SPINK8: variants seen among roughly 807,000 people sequenced by gnomAD.
The protein encoded by SPINK8 is serine protease inhibitor Kazal-type 8.
In SPINK8, 12 loss-of-function variants were observed where a neutral mutation model predicts 14.4. The observed-to-expected ratio is 0.83, with a 90% confidence interval of 0.53 to 1.35. SPINK8 has a LOEUF of 1.35. Among genes scored for constraint, SPINK8 ranks in the 40% most tolerant of loss-of-function variants. SPINK8 has a pLI of 0.00. For synonymous variants in SPINK8, 32 were observed against 37.6 expected (o/e 0.85, Z 0.55); for missense variants, 103 against 117.0 (o/e 0.88, Z 0.55).
intron 4 of SPINK8, among the ~76,000 whole-genome samples, chr3:48,322,391 A>G (rs1181402030): frequency 6.6e-6 from 1 of 151,232 alleles, no homozygotes; most frequent in Non-Finnish European, 1.5e-5. Flanking sequence ...GCTGGAGTGC[A>G]GTGGCGCGAT....
At chr3:48,315,030 G>A (rs1038336872) in intron 6 of SPINK8, among the ~76,000 whole-genome samples, 1 of 152,162 alleles carries the variant, frequency 6.6e-6, no homozygotes, top group Non-Finnish European at 1.5e-5. Flanking sequence ...CAAAGTTTTT[G>A]TTGTCAAAGA....
In SPINK8 at chr3:48,307,086, T is replaced by A; in HGVS notation, c.283-83A>T. ...ACCACACTGGTAAACACAACCATAG[T>A]TCAGCAGGGGAAATGCTAAACAATT... On this transcript the variant is annotated intron_variant, in intron 7 of 7. Coordinates refer to ENST00000434006, the MANE Select transcript of SPINK8 (RefSeq NM_001080525.3). 9 of 1,299,686 alleles carry A rather than the reference T, an allele frequency of 6.9e-6. No homozygotes were observed. The South Asian group carries it at 1.2e-4, about 17-fold the overall frequency. The allele number at this position is 1,299,686 out of a possible 1,614,324, so 80.5% of individuals were successfully genotyped here. A position where few individuals can be genotyped will look rare whatever the true frequency, so the allele number is the denominator to read the frequency against.
chr3:48,319,303 T>C (rs1278755345), intron 6 of SPINK8, among the ~76,000 whole-genome samples, 194 bp downstream of exon 6: 1 of 152,128 alleles, frequency 6.6e-6, no homozygotes, highest in African/African-American at 2.4e-5. Context: ...TGTTTCTGCA[T>C]TGTCTGAATA....
chr3:48,322,064 C>T (rs1407525446), intron 4 of SPINK8, among the ~76,000 whole-genome samples: 1 of 152,112 alleles, frequency 6.6e-6, no homozygotes, highest in Admixed American at 6.5e-5. Context: ...AATTCTCCCA[C>T]TCAGCCTCCT....
intron 6 of SPINK8, among the ~76,000 whole-genome samples, chr3:48,311,993 T>C (rs2035928738): frequency 2.0e-5 from 3 of 152,100 alleles, no homozygotes; most frequent in African/African-American, 7.2e-5. Context: ...AAACTTACTA[T>C]AACACTACAA....
chr3:48,325,915 C>CTTT (rs71074233), intron 4 of SPINK8, among the ~76,000 whole-genome samples: 3 of 141,726 alleles, frequency 2.1e-5, no homozygotes, highest in African/African-American at 7.8e-5. Context: ...CTTTTCTTTT[C>CTTT]TTTTTTTTTT....
chr3:48,326,978 G>A (rs1005584341), intron 4 of SPINK8, among the ~76,000 whole-genome samples: 1 of 152,048 alleles, frequency 6.6e-6, no homozygotes, highest in Admixed American at 6.5e-5. Flanking sequence ...CCACTGGTGT[G>A]TTCAGGTACC....
chr3:48,315,387 T>C (rs1017805921), intron 6 of SPINK8, among the ~76,000 whole-genome samples: 3 of 152,206 alleles, frequency 2.0e-5, no homozygotes, highest in African/African-American at 4.8e-5. Flanking sequence ...GCCCAGATGT[T>C]GGACTTACAA....
rs2107115504 is a variant in SPINK8, at chr3:48,329,236, G to A, written c.-97C>T. Among the ~76,000 whole-genome samples, 1 of 152,324 alleles carries A rather than the reference G, an allele frequency of 6.6e-6. No individual in the cohort carries two copies. Among genetic ancestry groups the A allele is most frequent in the Non-Finnish European group, 1.5e-5 (1 of 68,026 alleles). ...TAGTTTGTTCATAATGAACTAGGAAGGAAGGCAAAGCTTATTTGTCTTTTC... is the reference window on the plus strand; with the variant it reads ...TAGTTTGTTCATAATGAACTAGGAAAGAAGGCAAAGCTTATTTGTCTTTTC... On this transcript the variant is annotated 5_prime_UTR_variant, in exon 3 of 8. Coordinates refer to ENST00000434006, the MANE Select transcript of SPINK8 (RefSeq NM_001080525.3).
At position 48,308,049 on chromosome 3, in the gene SPINK8, C is replaced by T. The variant is rs562395317; in HGVS notation, c.283-1046G>A. Among the ~76,000 whole-genome samples the T allele has an allele frequency of 2.2e-5, 3 of 134,412 alleles. No homozygotes were observed. In the East Asian group the frequency reaches 7.5e-4, roughly 34 times the overall value. The allele number at this position is 134,412 out of a possible 152,430, so 88.2% of individuals were successfully genotyped here. ...AGTGCAGTGGCGTGATCTTGGCTTA[C>T]TGCAAGCTCCACCTCCCGGGTTCAT... On this transcript the variant is annotated intron_variant, in intron 7 of 7. Transcript: ENST00000434006.
chr3:48,316,790 T>A, intron 6 of SPINK8, among the ~76,000 whole-genome samples: 1 of 151,448 alleles, frequency 6.6e-6, no homozygotes, highest in South Asian at 2.1e-4. Flanking sequence ...AATGAATAAA[T>A]AAAAGAAAAA....
intron 6 of SPINK8, among the ~76,000 whole-genome samples, chr3:48,312,226 A>G (rs1410673985): frequency 1.3e-5 from 2 of 152,218 alleles, no homozygotes; most frequent in East Asian, 3.8e-4. Context: ...GGATCCAAAA[A>G]TAAACTCATA....
chr3:48,318,149 CT>C (rs551450691), intron 6 of SPINK8, among the ~76,000 whole-genome samples: 24 of 150,756 alleles, frequency 1.6e-4, no homozygotes, highest in African/African-American at 5.1e-4. Flanking sequence ...AGAATAATTT[CT>C]TTTTTTTTGA....
intron 6 of SPINK8, among the ~76,000 whole-genome samples, 189 bp from the exon 7 acceptor site, chr3:48,310,135 TACTC>T (rs2035906455): frequency 6.6e-6 from 1 of 152,134 alleles, no homozygotes; most frequent in African/African-American, 2.4e-5. Context: ...ATAGAAAACA[TACTC>T]AGTCTACAAT....
chr3:48,318,227 G>A (rs1466317829), intron 6 of SPINK8, among the ~76,000 whole-genome samples: 3 of 151,970 alleles, frequency 2.0e-5, no homozygotes, highest in South Asian at 2.1e-4. Flanking sequence ...TGCAACCTCC[G>A]CCTCCTGGGT....
At position 48,327,680 on chromosome 3, in the gene SPINK8, T is replaced by C. The variant is rs79079839; in HGVS notation, c.67+595A>G. On this transcript the variant is annotated intron_variant, in intron 4 of 7. Coordinates refer to ENST00000434006, the MANE Select transcript of SPINK8 (RefSeq NM_001080525.3). Reference sequence around the variant, plus strand: ...GGAGGAGAGGGACCAGGCTTATTTGTTTTTTACGTAAGATATGAGAGTCAT... The same window carrying C: ...GGAGGAGAGGGACCAGGCTTATTTGCTTTTTACGTAAGATATGAGAGTCAT... Among the ~76,000 whole-genome samples, 402 of 152,272 alleles carry C rather than the reference T, an allele frequency of 2.6e-3. 2 individuals are homozygous for C. The highest frequency in any genetic ancestry group is 8.9e-3 in the African/African-American group (371 of 41,556).
In SPINK8 at chr3:48,328,301, G is replaced by A. The variant is rs751570162; in HGVS notation, c.41C>T (p.Thr14Ile). 6.2e-7 allele frequency: 1 copy of A among 1,611,390 alleles called. No homozygotes were observed. The highest frequency in any genetic ancestry group is 1.7e-5 in the Admixed American group (1 of 59,698). ...ICSDAILVLATSMWMAFAIDF... is the reference protein window; with the variant it reads ...ICSDAILVLAISMWMAFAIDF... ...AATTGCAAAGGCCATCCACATGGAG[G>A]TAGCTAGAACAAGGATGGCGTCTGA... Residue 14 changes from threonine to isoleucine, a missense_variant, in exon 4 of 8, where the codon ACC becomes ATC. Thr to Ile is a moderately conservative substitution (Grantham distance 89, BLOSUM62 -1). Coordinates refer to ENST00000434006, the MANE Select transcript of SPINK8 (RefSeq NM_001080525.3).
chr3:48,328,432 C>A, intron 3 of SPINK8, 78 bp from the exon 4 acceptor site: 1 of 1,018,900 alleles, frequency 9.8e-7, no homozygotes. Context: ...CCTCACTGAC[C>A]AGGAAATGAA....
intron 7 of SPINK8, 150 bp downstream of exon 7, chr3:48,309,754 C>A (rs1167513931): frequency 1.7e-6 from 2 of 1,163,076 alleles, no homozygotes; most frequent in Non-Finnish European, 2.2e-6. Context: ...ATTGAATACA[C>A]ATGATAGGCT....
Sources: allele counts gnomAD v4.1 joint callset (sites outside exome capture counted in the v4.1 genomes callset), GRCh38; gene constraint gnomAD v4.1.1; transcripts MANE v1.5; gene names NCBI Gene and HGNC (gene_info 2026-07-23, HGNC 2026-07-21).